GRIK4: variants seen among roughly 807,000 people sequenced by gnomAD.
GRIK4 encodes the protein glutamate ionotropic receptor kainate type subunit 4.
Under a neutral mutation model 104.9 loss-of-function variants are expected in GRIK4, and 40 were observed. That is an observed-to-expected ratio of 0.38 (90% CI 0.30 to 0.50). The LOEUF is 0.50. Among genes scored for constraint, GRIK4 ranks in the 20% least tolerant of loss-of-function variants. The pLI is 0.93. For missense variants in GRIK4, 1,047 were observed against 1,308.1 expected (o/e 0.80, Z 3.08); for synonymous variants, 485 against 524.9 (o/e 0.92, Z 1.04).
chr11:120,943,006 G>C (rs511939), intron 14 of GRIK4, among the ~76,000 whole-genome samples: 136,447 of 151,956 alleles, frequency 0.9, 61,953 homozygotes, highest in East Asian at 1. Flanking sequence ...GAGTTTCTAG[G>C]CTGCCTGCCT....
In GRIK4 at chr11:120,899,376, G is replaced by A. The variant is rs532895826; in HGVS notation, c.1272+737G>A. On this transcript the variant is annotated intron_variant, in intron 12 of 20. Transcript: ENST00000527524. ...GCAGAGGTTGCAGTGAGCCGAGATC[G>A]TGCCACTGCACTCCAGCCTGGGTGA... Among the ~76,000 whole-genome samples, 4 of 147,858 alleles carry A rather than the reference G, an allele frequency of 2.7e-5. No homozygotes were observed. In the South Asian group the frequency reaches 6.5e-4, roughly 24 times the overall value.
At chr11:120,913,389 A>C (rs140502111) in intron 13 of GRIK4, among the ~76,000 whole-genome samples, 1 of 151,962 alleles carries the variant, frequency 6.6e-6, no homozygotes, top group Non-Finnish European at 1.5e-5. Flanking sequence ...AACCAGACAG[A>C]TGACTTCCAA....
At chr11:120,945,852 C>T (rs899187670) in intron 14 of GRIK4, among the ~76,000 whole-genome samples, 4 of 152,212 alleles carry the variant, frequency 2.6e-5, no homozygotes, top group Admixed American at 6.5e-5. Context: ...TATCAGAATC[C>T]GTGGCTAGGG....
intron 18 of GRIK4, among the ~76,000 whole-genome samples, chr11:120,966,757 G>T (rs999895139): frequency 6.6e-6 from 1 of 152,188 alleles, no homozygotes; most frequent in Non-Finnish European, 1.5e-5. Flanking sequence ...TGGCTTCCTG[G>T]AGGTGGATGG....
chr11:120,695,394 C>T (rs551411251), intron 3 of GRIK4, among the ~76,000 whole-genome samples: 3 of 152,338 alleles, frequency 2.0e-5, no homozygotes, highest in Admixed American at 1.3e-4. Flanking sequence ...TTCTGTGGCT[C>T]GCCAAGGGAT....
intron 13 of GRIK4, among the ~76,000 whole-genome samples, chr11:120,912,910 G>C (rs1467987485): frequency 6.6e-6 from 1 of 152,154 alleles, no homozygotes; most frequent in Admixed American, 6.5e-5. Flanking sequence ...AAGGGTTTTG[G>C]AGTTTTTGTC....
chr11:120,716,247 G>T (rs1170630628), intron 3 of GRIK4, among the ~76,000 whole-genome samples: 6 of 149,692 alleles, frequency 4.0e-5, no homozygotes, highest in Non-Finnish European at 5.9e-5. Context: ...TGATTTTTTT[G>T]GGGGGTGGGT....
Position 120,902,223 on chromosome 11 carries a change from C to T in GRIK4, c.1273-3067C>T, listed in dbSNP as rs1415756300. 6.6e-6 allele frequency among the ~76,000 whole-genome samples: 1 copy of T among 152,132 alleles called. No homozygotes were observed. Among genetic ancestry groups the T allele is most frequent in the Non-Finnish European group, 1.5e-5 (1 of 68,034 alleles). ...CATGGAATTGGCTGCCGCTCCCATT[C>T]CCTGAACACCTTTTCTGTATCAGAC... On this transcript the variant is annotated intron_variant, in intron 12 of 20. Coordinates refer to ENST00000527524, the MANE Select transcript of GRIK4 (RefSeq NM_014619.5). This position sits in a 1 kb window ranked among gnomAD's most constrained non-coding sequence, Gnocchi z 4.5.
intron 3 of GRIK4, among the ~76,000 whole-genome samples, chr11:120,747,790 T>G (rs919418527): frequency 6.6e-6 from 1 of 152,258 alleles, no homozygotes; most frequent in Non-Finnish European, 1.5e-5. Context: ...TATCAAAGTG[T>G]CTAGAAGTCA....
intron 1 of GRIK4, among the ~76,000 whole-genome samples, chr11:120,598,735 A>T (rs558900328): frequency 6.6e-6 from 1 of 152,176 alleles, no homozygotes; most frequent in African/African-American, 2.4e-5. Flanking sequence ...TTCCTCACAC[A>T]TTCTCCATGT....
rs1285777815 is a variant in GRIK4, at chr11:120,898,526, C to T, written c.1165-6C>T. The T allele has an allele frequency of 6.5e-7, 1 of 1,548,726 alleles. No individual in the cohort carries two copies. Among genetic ancestry groups the T allele is most frequent in the African/African-American group, 1.4e-5 (1 of 73,676 alleles). ...TCTTCCCAGTCCTCTCCGTTGGTCT[C>T]CTCAGATCGGCCAGTGGCACGTGGC... On this transcript the variant is annotated splice_polypyrimidine_tract_variant and splice_region_variant and intron_variant, in intron 11 of 20. Transcript: ENST00000527524.
intron 4 of GRIK4, among the ~76,000 whole-genome samples, chr11:120,811,430 C>A (rs1952826657): frequency 6.6e-6 from 1 of 152,144 alleles, no homozygotes; most frequent in Non-Finnish European, 1.5e-5. Context: ...ATGGGTGGAG[C>A]TGTTGAATCT....
chr11:120,926,895 A>G (rs2850808), intron 13 of GRIK4, among the ~76,000 whole-genome samples: 115,252 of 152,192 alleles, frequency 0.76, 45,063 homozygotes, highest in East Asian at 0.99. Context: ...AAAATAAAGC[A>G]GTATAATGAG....
chr11:120,751,475 C>T (rs1951550797), intron 3 of GRIK4, among the ~76,000 whole-genome samples: 1 of 152,196 alleles, frequency 6.6e-6, no homozygotes, highest in Admixed American at 6.5e-5. Flanking sequence ...GGCTGCCAAG[C>T]AGACTCCCAT....
rs112208024 is a variant in GRIK4 at position 120,847,659 on chromosome 11, A to G, written c.744+10815A>G. Among the ~76,000 whole-genome samples the G allele has an allele frequency of 4.3e-4, 65 of 152,318 alleles. 2 individuals are homozygous for G. The highest frequency in any genetic ancestry group is 1.4e-3 in the African/African-American group (58 of 41,576). On this transcript the variant is annotated intron_variant, in intron 8 of 20. Coordinates refer to ENST00000527524, the MANE Select transcript of GRIK4 (RefSeq NM_014619.5). Reference sequence around the variant, plus strand: ...ATGAGAAATTGTGGAGCTTGTAAGGAAGGTATTTTGGAGGTGGGGAGAACC... The same window carrying G: ...ATGAGAAATTGTGGAGCTTGTAAGGGAGGTATTTTGGAGGTGGGGAGAACC...
At chr11:120,742,947 G>A (rs1331161450) in intron 3 of GRIK4, among the ~76,000 whole-genome samples, 4 of 152,160 alleles carry the variant, frequency 2.6e-5, no homozygotes, top group Non-Finnish European at 5.9e-5. Flanking sequence ...AAAAGAATGA[G>A]ATTGGCTGGG....
intron 1 of GRIK4, among the ~76,000 whole-genome samples, chr11:120,512,562 C>T (rs1411212482): frequency 6.8e-6 from 1 of 148,050 alleles, no homozygotes; most frequent in African/African-American, 2.4e-5. Flanking sequence ...ATGGGGCTCC[C>T]ACCCATCCCA....
intron 1 of GRIK4, chr11:120,619,889 TA>T: frequency 4.2e-6 from 1 of 239,832 alleles, no homozygotes; most frequent in Non-Finnish European, 8.0e-6. Flanking sequence ...TTTTTTTTTT[TA>T]ATACTGAAAA....
At chr11:120,795,191 G>A (rs527306042) in intron 3 of GRIK4, among the ~76,000 whole-genome samples, 10 of 152,344 alleles carry the variant, frequency 6.6e-5, no homozygotes, top group Middle Eastern at 3.4e-3. Flanking sequence ...AAGGGTAAGA[G>A]TTACCGAAGT....
Sources: allele counts gnomAD v4.1 joint callset (sites outside exome capture counted in the v4.1 genomes callset), GRCh38; gene constraint gnomAD v4.1.1; non-coding constraint Gnocchi (gnomAD v3.1); transcripts MANE v1.5; gene names NCBI Gene and HGNC (gene_info 2026-07-23, HGNC 2026-07-21).